KCNK3: variants seen among roughly 807,000 people sequenced by gnomAD.
The protein encoded by KCNK3 is potassium two pore domain channel subfamily K member 3.
Under a neutral mutation model 27.3 loss-of-function variants are expected in KCNK3, and 9 were observed. That is an observed-to-expected ratio of 0.33 (90% CI 0.20 to 0.57). KCNK3 has a LOEUF of 0.57. Among genes scored for constraint, KCNK3 ranks in the 20% least tolerant of loss-of-function variants. The pLI, the probability that KCNK3 is intolerant of heterozygous loss-of-function variation, is 0.87. For synonymous variants in KCNK3, 278 were observed against 273.8 expected, an observed-to-expected ratio of 1.02 and a Z score of -0.15; for missense variants, 391 against 577.7, an observed-to-expected ratio of 0.68 and a Z score of 3.31.
At chr2:26,727,138 C>T (rs992463424) in intron 1 of KCNK3, among the ~76,000 whole-genome samples, 2 of 152,172 alleles carry the variant, frequency 1.3e-5, no homozygotes, top group Non-Finnish European at 2.9e-5. Flanking sequence ...AGTCTCCCTT[C>T]CTGTACACTG....
intron 1 of KCNK3, among the ~76,000 whole-genome samples, chr2:26,724,842 G>A (rs1055502920): frequency 8.5e-5 from 13 of 152,174 alleles, no homozygotes; most frequent in African/African-American, 3.1e-4. Flanking sequence ...TTGTGGGCTG[G>A]GGTAGGAGAG....
intron 1 of KCNK3, among the ~76,000 whole-genome samples, chr2:26,718,674 T>A (rs1010997025): frequency 1.3e-5 from 2 of 152,072 alleles, no homozygotes; most frequent in African/African-American, 2.4e-5. Flanking sequence ...AGTGGTGCAA[T>A]TACTGCTCAC....
At position 26,728,931 on chromosome 2, in the gene KCNK3, G is replaced by T. The variant is rs907957867; in HGVS notation, c.*363G>T. 4.6e-6 allele frequency: 1 copy of T among 218,548 alleles called. No individual in the cohort carries two copies. The highest frequency in any genetic ancestry group is 2.3e-5 in the African/African-American group (1 of 43,974). 13.5% of individuals were successfully genotyped at this position (218,548 alleles called of 1,614,324 possible). A position where few individuals can be genotyped will look rare whatever the true frequency, so the allele number is the denominator to read the frequency against. ...ACCTTCGGAGGGGACTTCATGTTCC[G>T]TGTACGTTTGCATCTCTATTTATAC... On this transcript the variant is annotated 3_prime_UTR_variant, in exon 2 of 2. Transcript: ENST00000302909.
intron 1 of KCNK3, among the ~76,000 whole-genome samples, chr2:26,720,130 C>T (rs1319447827): frequency 6.6e-6 from 1 of 152,204 alleles, no homozygotes; most frequent in Non-Finnish European, 1.5e-5. Flanking sequence ...TGGTTCACAC[C>T]TGTAGTCACA....
chr2:26,707,272 T>C (rs756776823), intron 1 of KCNK3, among the ~76,000 whole-genome samples: 4 of 152,096 alleles, frequency 2.6e-5, no homozygotes, highest in Admixed American at 6.5e-5. Context: ...CAGTAGTCCC[T>C]GGAATGGAGT....
Position 26,721,533 on chromosome 2 carries a change from G to A in KCNK3, c.284-6134G>A, listed in dbSNP as rs762004442. Among the ~76,000 whole-genome samples the A allele has an allele frequency of 6.6e-6, 1 of 152,162 alleles. No homozygotes were observed. Among genetic ancestry groups the A allele is most frequent in the Non-Finnish European group, 1.5e-5 (1 of 68,014 alleles). On this transcript the variant is annotated intron_variant, in intron 1 of 1. Transcript: ENST00000302909. This position sits in a 1 kb window ranked among gnomAD's most constrained non-coding sequence, Gnocchi z 4.3. ...CACTGCTGCCATCCCCACAACTGAG[G>A]GGCGGCTCCATGTCTGTGCCTCAGG...
chr2:26,696,791 C>A (rs933941257), intron 1 of KCNK3, among the ~76,000 whole-genome samples: 3 of 152,190 alleles, frequency 2.0e-5, no homozygotes, highest in Admixed American at 6.5e-5. Flanking sequence ...GCTGGTACCA[C>A]CCCCTGCTCT....
Position 26,729,576 on chromosome 2 carries a change from CTGTATTCCCAACACT to C in KCNK3, c.*1010_*1024del, listed in dbSNP as rs1663498476. Reference sequence around the variant, plus strand: ...GGGGGCTGGGTGCAGTGGCTCACACCTGTATTCCCAACACTTTTGGAGGCTGAGGTTGGAGGATTG... The same window carrying C: ...GGGGGCTGGGTGCAGTGGCTCACACCTTTGGAGGCTGAGGTTGGAGGATTG... On this transcript the variant is annotated 3_prime_UTR_variant, in exon 2 of 2. Transcript: ENST00000302909. 6.6e-6 allele frequency: 1 copy of C among 152,386 alleles called. No individual in the cohort carries two copies. Among genetic ancestry groups the C allele is most frequent in the Non-Finnish European group, 1.5e-5 (1 of 68,224 alleles). The allele number at this position is 152,386 out of a possible 1,614,324, so 9.4% of individuals were successfully genotyped here.
At position 26,714,122 on chromosome 2, in the gene KCNK3, A is replaced by G. The variant is rs114634627; in HGVS notation, c.284-13545A>G. Among the ~76,000 whole-genome samples, 696 of 152,252 alleles carry G rather than the reference A, an allele frequency of 4.6e-3. 5 individuals are homozygous for G. The highest frequency in any genetic ancestry group is 0.016 in the African/African-American group (665 of 41,560). ...AAAAGAAAGAAACATGTATGTGTTA[A>G]TAAGAGCTCCTACTTTGTGAGACCC... On this transcript the variant is annotated intron_variant, in intron 1 of 1. Coordinates refer to ENST00000302909, the MANE Select transcript of KCNK3 (RefSeq NM_002246.3).
chr2:26,699,651 G>A (rs1670283042), intron 1 of KCNK3, among the ~76,000 whole-genome samples: 2 of 152,166 alleles, frequency 1.3e-5, no homozygotes, highest in African/African-American at 2.4e-5. Flanking sequence ...ACCACTGGGG[G>A]TCTAGGCCAA....
chr2:26,700,794 GTC>G (rs1012418680), intron 1 of KCNK3, among the ~76,000 whole-genome samples: 3 of 150,872 alleles, frequency 2.0e-5, no homozygotes, highest in African/African-American at 7.3e-5. Context: ...CTCTCTCTCT[GTC>G]TCTCTCTCTC....
At chr2:26,703,341 A>C (rs948879366) in intron 1 of KCNK3, among the ~76,000 whole-genome samples, 7 of 152,238 alleles carry the variant, frequency 4.6e-5, no homozygotes, top group Admixed American at 3.9e-4. Context: ...CTAGATTGGT[A>C]TTGGATTGAA....
chr2:26,725,523 G>C (rs569245894), intron 1 of KCNK3, among the ~76,000 whole-genome samples: 1 of 152,270 alleles, frequency 6.6e-6, no homozygotes, highest in East Asian at 1.9e-4. Context: ...AAGTAGTGCC[G>C]GCCTGGAGGA....
chr2:26,692,912 G>T lies in KCNK3; in HGVS notation c.37G>T (p.Val13Leu), dbSNP rs758193200. 5 of 1,517,406 alleles carry T rather than the reference G, an allele frequency of 3.3e-6. No homozygotes were observed. The highest frequency in any genetic ancestry group is 1.2e-5 in the South Asian group (1 of 81,600). The allele number at this position is 1,517,406 out of a possible 1,614,324, so 94.0% of individuals were successfully genotyped here. ...GAACGTGCGCACGCTGGCGCTCATC[G>T]TGTGCACCTTCACCTACCTGCTGGT... ...RQNVRTLALI[V>L]CTFTYLLVGA... Residue 13 changes from valine (V) to leucine (L), a missense_variant, in exon 1 of 2, where the codon GTG becomes TTG. Transcript: ENST00000302909. This position sits in a 1 kb window ranked among gnomAD's most constrained non-coding sequence, Gnocchi z 5.6.
rs1352808273 is a variant in KCNK3 at position 26,693,432 on chromosome 2, G to A, written c.283+274G>A. Among the ~76,000 whole-genome samples the A allele has an allele frequency of 1.3e-5, 2 of 152,254 alleles. No homozygotes were observed. The highest frequency in any genetic ancestry group is 2.9e-5 in the Non-Finnish European group (2 of 68,032). ...TGCATAGGCCCCCAGGGACTCCGAA[G>A]TGTGTGAGAGGGGCAGGGACGACCG... is the stretch of plus-strand genomic sequence containing the variant. On this transcript the variant is annotated intron_variant, in intron 1 of 1. Transcript: ENST00000302909. The surrounding 1 kb of genome is among the most constrained non-coding windows in gnomAD (Gnocchi z 5.5).
chr2:26,706,681 T>C (rs1670377881), intron 1 of KCNK3, among the ~76,000 whole-genome samples: 1 of 152,094 alleles, frequency 6.6e-6, no homozygotes, highest in Non-Finnish European at 1.5e-5. Context: ...CCCAGCTAAG[T>C]GCCCTGGAGT....
chr2:26,724,777 G>T (rs754389684), intron 1 of KCNK3, among the ~76,000 whole-genome samples: 1 of 152,196 alleles, frequency 6.6e-6, no homozygotes, highest in Non-Finnish European at 1.5e-5. Flanking sequence ...AGGATGAAGG[G>T]CAGAGGAAGG....
intron 1 of KCNK3, among the ~76,000 whole-genome samples, chr2:26,710,301 A>G (rs1453499178): frequency 6.6e-6 from 1 of 152,168 alleles, no homozygotes; most frequent in Non-Finnish European, 1.5e-5. Context: ...CGCACAGTCC[A>G]TCGATGCCTC....
In KCNK3 at chr2:26,693,976, C is replaced by G. The variant is rs35021474; in HGVS notation, c.283+818C>G. On this transcript the variant is annotated intron_variant, in intron 1 of 1. Coordinates refer to ENST00000302909, the MANE Select transcript of KCNK3 (RefSeq NM_002246.3). The surrounding 1 kb of genome is among the most constrained non-coding windows in gnomAD (Gnocchi z 5.5). ...CAGGGCGGGCACACACACACACACACACAGAGAGAGAGACAGAGAGAGAGA... is the reference window on the plus strand; with the variant it reads ...CAGGGCGGGCACACACACACACACAGACAGAGAGAGAGACAGAGAGAGAGA... Among the ~76,000 whole-genome samples the G allele has an allele frequency of 0.49, 73,065 of 150,050 alleles. 20,079 individuals are homozygous for G. Among genetic ancestry groups the G allele is most frequent in the Admixed American group, 0.66 (9,845 of 15,018 alleles).
Sources: allele counts gnomAD v4.1 joint callset (sites outside exome capture counted in the v4.1 genomes callset), GRCh38; gene constraint gnomAD v4.1.1; non-coding constraint Gnocchi (gnomAD v3.1); transcripts MANE v1.5; gene names NCBI Gene and HGNC (gene_info 2026-07-23, HGNC 2026-07-21).